The following EPHA6 variants were observed in gnomAD, a reference collection of about 807,000 sequenced individuals.
The protein encoded by EPHA6 is ephrin type-A receptor 6.
EPHA6 carries 50 observed loss-of-function variants against 112.0 expected under a neutral mutation model. The ratio of observed to expected loss-of-function variants is 0.45; its 90% confidence interval spans 0.36 to 0.56. The LOEUF (loss-of-function observed/expected upper bound fraction) is 0.56. Ranked by LOEUF, EPHA6 falls within the 20% of genes least tolerant of loss-of-function variation. EPHA6 has a pLI of 0.00. For missense variants in EPHA6, 1,280 were observed against 1,417.4 expected, an observed-to-expected ratio of 0.90 and a Z score of 1.56; for synonymous variants, 529 against 490.7, an observed-to-expected ratio of 1.08 and a Z score of -1.03.
intron 1 of EPHA6, among the ~76,000 whole-genome samples, chr3:96,815,934 C>T (rs1396522482): frequency 1.3e-5 from 2 of 152,176 alleles, no homozygotes; most frequent in African/African-American, 4.8e-5. Flanking sequence ...TATTCTCTCA[C>T]TCGTGCTGTA....
intron 14 of EPHA6, among the ~76,000 whole-genome samples, chr3:97,680,249 G>C (rs1286564793): frequency 6.6e-6 from 1 of 152,146 alleles, no homozygotes; most frequent in Non-Finnish European, 1.5e-5. Flanking sequence ...GATAGCTAAG[G>C]ATTTGGTAAC....
intron 12 of EPHA6, 127 bp from the exon 13 acceptor site, chr3:97,610,666 G>T: frequency 1.4e-6 from 1 of 725,532 alleles, no homozygotes; most frequent in South Asian, 1.7e-5. Context: ...TATAGAAGCA[G>T]GCTGGAAAAT....
chr3:96,846,619 T>C (rs1018721625), intron 1 of EPHA6, among the ~76,000 whole-genome samples: 1 of 152,072 alleles, frequency 6.6e-6, no homozygotes, highest in Admixed American at 6.6e-5. Flanking sequence ...GCGCAATAGC[T>C]TTTTTAATAG....
rs112553398 is a variant in EPHA6, at chr3:97,237,055, C to G, written c.1271-6897C>G. ...TTTTGGCCCTCTTGCTTTTCCATCTCACAACTGAAATTCAAAAGGACAGCT... is the reference window on the plus strand; with the variant it reads ...TTTTGGCCCTCTTGCTTTTCCATCTGACAACTGAAATTCAAAAGGACAGCT... On this transcript the variant is annotated intron_variant, in intron 4 of 17. Coordinates refer to ENST00000389672, the MANE Select transcript of EPHA6 (RefSeq NM_001080448.3). Among the ~76,000 whole-genome samples the G allele has an allele frequency of 2.2e-3, 334 of 151,966 alleles. 2 individuals carry two copies. Among genetic ancestry groups the G allele is most frequent in the African/African-American group, 7.4e-3 (309 of 41,490 alleles).
intron 2 of EPHA6, among the ~76,000 whole-genome samples, chr3:96,931,018 A>AAAAAAAAAAAAAAAAAAAAAAAAAAAAG (rs796531853): frequency 1.2e-5 from 1 of 84,562 alleles, no homozygotes; most frequent in African/African-American, 4.2e-5. Flanking sequence ...AAAAAAAAAA[A>AAAAAAAAAAAAAAAAAAAAAAAAAAAAG]AAAGAAAAGC....
intron 2 of EPHA6, among the ~76,000 whole-genome samples, chr3:96,876,517 T>A (rs2036962766): frequency 1.3e-5 from 2 of 151,718 alleles, no homozygotes; most frequent in South Asian, 4.2e-4. Context: ...CCAGAACTGA[T>A]TTTCTAAGCT....
chr3:97,037,819 C>G (rs2045161824), intron 3 of EPHA6, among the ~76,000 whole-genome samples: 1 of 151,876 alleles, frequency 6.6e-6, no homozygotes, highest in Non-Finnish European at 1.5e-5. Flanking sequence ...TGTGGTAATT[C>G]AGGGCATGGA....
At chr3:96,848,420 A>G (rs1488466433) in intron 1 of EPHA6, among the ~76,000 whole-genome samples, 1 of 151,966 alleles carries the variant, frequency 6.6e-6, no homozygotes, top group Non-Finnish European at 1.5e-5. Flanking sequence ...TGAGGTCAGG[A>G]GTTTGAGACC....
chr3:97,278,964 C>A (rs2080193959), intron 5 of EPHA6, among the ~76,000 whole-genome samples: 1 of 151,154 alleles, frequency 6.6e-6, no homozygotes, highest in Non-Finnish European at 1.5e-5. Context: ...AGGTAATAAG[C>A]ACAGTACAGG....
chr3:97,108,033 A>G (rs1430335705), intron 3 of EPHA6, among the ~76,000 whole-genome samples: 1 of 152,166 alleles, frequency 6.6e-6, no homozygotes, highest in Non-Finnish European at 1.5e-5. Flanking sequence ...TACTCTCACT[A>G]AGTTTGGCCT....
intron 11 of EPHA6, among the ~76,000 whole-genome samples, chr3:97,586,599 AG>A (rs1328485327): frequency 6.6e-6 from 1 of 152,178 alleles, no homozygotes; most frequent in African/African-American, 2.4e-5. Context: ...CAAGGAATGG[AG>A]GGAAATACAC....
intron 2 of EPHA6, among the ~76,000 whole-genome samples, chr3:96,980,849 T>C (rs1192174891): frequency 6.6e-6 from 1 of 152,138 alleles, no homozygotes; most frequent in Non-Finnish European, 1.5e-5. Flanking sequence ...TGGCTCTGTG[T>C]TTTTCTGTTA....
intron 10 of EPHA6, among the ~76,000 whole-genome samples, chr3:97,527,604 T>C (rs1182695209): frequency 6.6e-6 from 1 of 152,096 alleles, no homozygotes; most frequent in Admixed American, 6.6e-5. Context: ...GATTGATGCA[T>C]ATTTATTAAT....
At chr3:96,815,263 C>A (rs1022059815) in intron 1 of EPHA6, among the ~76,000 whole-genome samples, 16 of 152,204 alleles carry the variant, frequency 1.1e-4, no homozygotes, top group African/African-American at 3.1e-4. Context: ...CAGTTGGGTC[C>A]CACCGCTAGC....
At chr3:97,526,693 T>C (rs1157615318) in intron 10 of EPHA6, among the ~76,000 whole-genome samples, 2 of 152,160 alleles carry the variant, frequency 1.3e-5, no homozygotes, top group African/African-American at 4.8e-5. Context: ...GAAAGGTCCC[T>C]TCAGGATCTG....
chr3:97,665,934 G>A (rs773206057), intron 14 of EPHA6, among the ~76,000 whole-genome samples: 8 of 152,190 alleles, frequency 5.3e-5, no homozygotes, highest in East Asian at 1.9e-4. Context: ...GTGTGTGCCT[G>A]TAATCCCAGC....
intron 14 of EPHA6, among the ~76,000 whole-genome samples, chr3:97,658,074 A>G (rs2094147388): frequency 6.6e-6 from 1 of 151,804 alleles, no homozygotes; most frequent in Non-Finnish European, 1.5e-5. Flanking sequence ...TGGTTACACT[A>G]AGCATACTGT....
At chr3:97,508,664 C>T (rs537439365) in intron 10 of EPHA6, among the ~76,000 whole-genome samples, 12 of 152,200 alleles carry the variant, frequency 7.9e-5, no homozygotes, top group Non-Finnish European at 4.4e-5. Context: ...CTATAGATGT[C>T]TATTAGGTCC....
chr3:97,408,286 C>A (rs1317280358), intron 6 of EPHA6, among the ~76,000 whole-genome samples: 1 of 152,036 alleles, frequency 6.6e-6, no homozygotes, highest in Non-Finnish European at 1.5e-5. Context: ...GTGGCTCATG[C>A]CTGTAATCCT....
Sources: allele counts gnomAD v4.1 joint callset (sites outside exome capture counted in the v4.1 genomes callset), GRCh38; gene constraint gnomAD v4.1.1; transcripts MANE v1.5; gene names NCBI Gene and HGNC (gene_info 2026-07-23, HGNC 2026-07-21).